Variants in NOL4 observed in about 807,000 individuals in gnomAD.
NOL4 encodes the protein cancer/testis antigen 125.
A neutral mutation model predicts 75.9 loss-of-function variants in NOL4; 17 were observed. The ratio of observed to expected loss-of-function variants is 0.22; its 90% confidence interval spans 0.15 to 0.34. The LOEUF (loss-of-function observed/expected upper bound fraction) is 0.34. Among genes scored for constraint, NOL4 ranks in the 10% least tolerant of loss-of-function variants. The probability of loss-of-function intolerance (pLI) is 1.00; values close to 1 mark genes in which losing one functional copy is unlikely to be tolerated. For missense variants in NOL4, 614 were observed against 793.5 expected, an observed-to-expected ratio of 0.77 and a Z score of 2.72; for synonymous variants, 292 against 289.9, an observed-to-expected ratio of 1.01 and a Z score of -0.07.
chr18:33,956,983 C>A (rs1438007102), intron 8 of NOL4, among the ~76,000 whole-genome samples: 1 of 152,094 alleles, frequency 6.6e-6, no homozygotes, highest in Non-Finnish European at 1.5e-5. Flanking sequence ...ACTTAAATAA[C>A]CTCATGCCCA....
chr18:34,160,336 CT>C (rs1242393891), intron 1 of NOL4, among the ~76,000 whole-genome samples: 1 of 151,994 alleles, frequency 6.6e-6, no homozygotes, highest in East Asian at 1.9e-4. Flanking sequence ...GTAACTAGGG[CT>C]TTTCATGAAA....
At chr18:34,071,006 A>C (rs972291564) in intron 5 of NOL4, among the ~76,000 whole-genome samples, 1 of 152,184 alleles carries the variant, frequency 6.6e-6, no homozygotes, top group African/African-American at 2.4e-5. Flanking sequence ...AGTTACAGTT[A>C]GGAGAAATAA....
At chr18:34,013,398 C>T (rs995094743) in intron 6 of NOL4, among the ~76,000 whole-genome samples, 1 of 151,850 alleles carries the variant, frequency 6.6e-6, no homozygotes, top group African/African-American at 2.4e-5. Context: ...AAAACACACG[C>T]CAGAATTTTT....
At chr18:33,980,378 A>T (rs911171317) in intron 6 of NOL4, among the ~76,000 whole-genome samples, 2 of 152,132 alleles carry the variant, frequency 1.3e-5, no homozygotes, top group Non-Finnish European at 1.5e-5. Flanking sequence ...CAAGTTTTTA[A>T]CAGTGAATAT....
chr18:33,996,285 A>C (rs2073280113), intron 6 of NOL4, among the ~76,000 whole-genome samples: 1 of 151,798 alleles, frequency 6.6e-6, no homozygotes, highest in South Asian at 2.1e-4. Flanking sequence ...CTAAAACTCT[A>C]TTAGAAATAA....
chr18:34,115,672 T>G (rs2079819785), intron 2 of NOL4, among the ~76,000 whole-genome samples: 1 of 152,122 alleles, frequency 6.6e-6, no homozygotes, highest in Non-Finnish European at 1.5e-5. Context: ...CCCTCCCCAG[T>G]AACTTGCTTA....
intron 10 of NOL4, among the ~76,000 whole-genome samples, chr18:33,864,088 C>T (rs1288977035): frequency 6.6e-6 from 1 of 152,154 alleles, no homozygotes; most frequent in East Asian, 1.9e-4. Flanking sequence ...AGTCCCAAGG[C>T]TGCACACAGC....
rs527747383 is a variant in NOL4, at chr18:34,192,976, C to T, written c.264+30014G>A. 3.5e-3 allele frequency among the ~76,000 whole-genome samples: 540 copies of T among 152,292 alleles called. 2 individuals carry two copies. The highest frequency in any genetic ancestry group is 6.1e-3 in the Non-Finnish European group (414 of 68,018). On this transcript the variant is annotated intron_variant, in intron 1 of 10. Transcript: ENST00000261592. ...CAAGAAGGCCCTCACCAGATGCAGGCTCCTCGACCTTAGATTTTCTAACCT... is the reference window on the plus strand; with the variant it reads ...CAAGAAGGCCCTCACCAGATGCAGGTTCCTCGACCTTAGATTTTCTAACCT...
chr18:34,201,821 CA>C (rs750450874), intron 1 of NOL4, among the ~76,000 whole-genome samples: 1 of 151,616 alleles, frequency 6.6e-6, no homozygotes, highest in Non-Finnish European at 1.5e-5. Context: ...TTAAATATAT[CA>C]GTTTCATTAA....
intron 5 of NOL4, among the ~76,000 whole-genome samples, chr18:34,085,837 TACTGCTTAAAAGC>T (rs1235367302): frequency 6.6e-6 from 1 of 152,160 alleles, no homozygotes; most frequent in Non-Finnish European, 1.5e-5. Flanking sequence ...AACAGAGAAT[TACTGCTTAAAAGC>T]AATTTCAAAT....
At position 33,863,519 on chromosome 18, in the gene NOL4, T is replaced by C. The variant is rs535744814; in HGVS notation, c.1724-10484A>G. On this transcript the variant is annotated intron_variant, in intron 10 of 10. Transcript: ENST00000261592. ...GAGAAACTGGCCAAAACAACAAGGC[T>C]ACAGGCCCCATACAAGTCTGAAACC... is the stretch of plus-strand genomic sequence containing the variant. Among the ~76,000 whole-genome samples, 5 of 152,294 alleles carry C rather than the reference T, an allele frequency of 3.3e-5. No individual in the cohort carries two copies. In the South Asian group the frequency reaches 8.3e-4, roughly 25 times the overall value.
chr18:33,905,103 G>C (rs995149916), intron 9 of NOL4, among the ~76,000 whole-genome samples: 2 of 152,108 alleles, frequency 1.3e-5, no homozygotes, highest in Non-Finnish European at 2.9e-5. Context: ...TATATGATAG[G>C]TCATTGCAAG....
intron 1 of NOL4, among the ~76,000 whole-genome samples, chr18:34,146,298 G>C (rs965181574): frequency 6.6e-6 from 1 of 151,860 alleles, no homozygotes; most frequent in Admixed American, 6.6e-5. Flanking sequence ...TGAAGTCTTT[G>C]CCTATGCCTA....
intron 6 of NOL4, among the ~76,000 whole-genome samples, chr18:33,979,971 T>C (rs1365421296): frequency 6.6e-6 from 1 of 152,054 alleles, no homozygotes; most frequent in East Asian, 1.9e-4. Context: ...TTCAAACAAT[T>C]ATTATATAGT....
chr18:34,083,714 A>T (rs980471100), intron 5 of NOL4, among the ~76,000 whole-genome samples: 6 of 152,166 alleles, frequency 3.9e-5, no homozygotes, highest in African/African-American at 1.4e-4. Flanking sequence ...GAGGTCTTTT[A>T]TGCTGTCTTC....
At position 34,223,140 on chromosome 18, in the gene NOL4, C is replaced by T. The variant is rs751059154; in HGVS notation, c.114G>A (p.Gln38=). Residue 38 remains glutamine, a synonymous_variant, in exon 1 of 11, where the codon CAG becomes CAA. Coordinates refer to ENST00000261592, the MANE Select transcript of NOL4 (RefSeq NM_003787.5). ...VTRKKYERIV[Q]LLNGSESSST... is the part of the protein sequence containing the mutation. ...AGCTCGACTCGGAGCCATTGAGGAG[C>T]TGGACGATCCGTTCGTATTTTTTAC... 2 of 1,614,178 alleles carry T rather than the reference C, an allele frequency of 1.2e-6. No individual in the cohort carries two copies. Among genetic ancestry groups the T allele is most frequent in the African/African-American group, 1.3e-5 (1 of 75,048 alleles).
chr18:33,912,332 A>G (rs1043474075), intron 9 of NOL4, among the ~76,000 whole-genome samples: 2 of 152,096 alleles, frequency 1.3e-5, no homozygotes, highest in Non-Finnish European at 2.9e-5. Flanking sequence ...TCAATTTTCC[A>G]TATCAAAAGG....
chr18:33,979,569 CT>C (rs1258428661), intron 6 of NOL4, among the ~76,000 whole-genome samples: 1 of 151,750 alleles, frequency 6.6e-6, no homozygotes, highest in Non-Finnish European at 1.5e-5. Flanking sequence ...TTATTTAGAG[CT>C]CTTGGTACCA....
intron 1 of NOL4, among the ~76,000 whole-genome samples, chr18:34,193,676 G>A (rs2146422318): frequency 6.6e-6 from 1 of 152,092 alleles, no homozygotes; most frequent in Middle Eastern, 3.4e-3. Context: ...AAATATGGAG[G>A]ATCCTCAAAA....
Sources: gnomAD v4.1 joint callset for allele counts (sites outside exome capture counted in the v4.1 genomes callset) on GRCh38, gnomAD v4.1.1 for gene constraint, MANE v1.5 for transcripts, NCBI Gene and HGNC (gene_info 2026-07-23, HGNC 2026-07-21) for gene names.